Variants in CELSR3 observed in about 807,000 individuals in gnomAD.
CELSR3 encodes the protein EGF-like protein 1.
CELSR3 carries 73 observed loss-of-function variants against 270.0 expected under a neutral mutation model. The ratio of observed to expected loss-of-function variants is 0.27; its 90% CI spans 0.22 to 0.33. The LOEUF is 0.33. Ranked by LOEUF, CELSR3 falls within the 10% of genes least tolerant of loss-of-function variation. The pLI is 1.00. For synonymous variants in CELSR3, 1,780 were observed against 1,905.4 expected (o/e 0.93, Z 1.71); for missense variants, 3,614 against 4,533.8 (o/e 0.80, Z 5.83).
Position 48,639,984 on chromosome 3 carries a change from G to C in CELSR3, c.9601C>G (p.Arg3201Gly). The part of the protein sequence containing the change: ...LDSLSRSSNS[R>G]EQLDQVPSRH... Reference sequence around the variant, plus strand: ...CTAGGCACCTGGTCCAGCTGCTCCCGAGAGTTCGAGCTCCTAGACAGAGAG... The same window carrying C: ...CTAGGCACCTGGTCCAGCTGCTCCCCAGAGTTCGAGCTCCTAGACAGAGAG... The change falls in exon 34 of 35, where the codon CGG becomes GGG. Residue 3201 changes from arginine (R) to glycine (G), a missense_variant. Physicochemically the swap from Arg to Gly is moderately radical, Grantham distance 125 (BLOSUM62 -2). Transcript: ENST00000164024. The surrounding 1 kb of genome is among the most constrained non-coding windows in gnomAD (Gnocchi z 4.1). 2 of 1,612,630 alleles carry C rather than the reference G, an allele frequency of 1.2e-6. No individual in the cohort carries two copies. The highest frequency in any genetic ancestry group is 1.1e-5 in the South Asian group (1 of 91,090).
chr3:48,642,688 G>A lies in CELSR3; in HGVS notation c.8555+48C>T. The A allele has an allele frequency of 1.3e-6, 2 of 1,583,024 alleles. No individual in the cohort carries two copies. The highest frequency in any genetic ancestry group is 1.7e-6 in the Non-Finnish European group (2 of 1,167,972). On this transcript the variant is annotated intron_variant, in intron 30 of 34. Coordinates refer to ENST00000164024, the MANE Select transcript of CELSR3 (RefSeq NM_001407.3). The surrounding 1 kb of genome is among the most constrained non-coding windows in gnomAD (Gnocchi z 6.1). ...GGTCAGCCAAGCCCTGGTAAGGTGGGGCTGGACTAAGCTGAGTGTTCCCTC... is the reference window on the plus strand; with the variant it reads ...GGTCAGCCAAGCCCTGGTAAGGTGGAGCTGGACTAAGCTGAGTGTTCCCTC...
Position 48,659,325 on chromosome 3 carries a change from A to G in CELSR3, c.3310T>C (p.Tyr1104His). 1 of 1,614,188 alleles carries G rather than the reference A, an allele frequency of 6.2e-7. No homozygotes were observed. Among genetic ancestry groups the G allele is most frequent in the South Asian group, 1.1e-5 (1 of 91,078 alleles). ...PDEGPNAHIM[Y>H]QIVEGNIPEL... ...GGGATGTTCCCCTCCACGATCTGGT[A>G]CATTATATGGGCATTGGGGCCTTCG... The change falls in exon 1 of 35, where the codon TAC (tyrosine) becomes CAC (histidine). Residue 1104 changes from tyrosine (Y) to histidine (H), a missense_variant. Tyr to His is a moderately conservative substitution (Grantham distance 83, BLOSUM62 2). Transcript: ENST00000164024. This position sits in a 1 kb window ranked among gnomAD's most constrained non-coding sequence, Gnocchi z 8.1.
Position 48,641,466 on chromosome 3 carries a change from G to T in CELSR3, c.8883C>A (p.Ala2961=), listed in dbSNP as rs1353493238. The T allele has an allele frequency of 6.2e-7, 1 of 1,612,294 alleles. No homozygotes were observed. Among genetic ancestry groups the T allele is most frequent in the Non-Finnish European group, 8.5e-7 (1 of 1,179,688 alleles). The change falls in exon 33 of 35, where the codon GCC becomes GCA. Residue 2961 remains alanine (A), a synonymous_variant. Coordinates refer to ENST00000164024, the MANE Select transcript of CELSR3 (RefSeq NM_001407.3). The surrounding 1 kb of genome is among the most constrained non-coding windows in gnomAD (Gnocchi z 4.8). The part of the protein sequence containing the change: ...YWPALGECEA[A]PCALQTWGSE... ...AGCCCCAAGTCTGCAGAGCACAGGG[G>T]GCTGCCTCGCACTCCCCCAGGGCTG...
chr3:48,656,912 G>A lies in CELSR3; in HGVS notation c.4185C>T (p.Arg1395=). 6.2e-7 allele frequency: 1 copy of A among 1,610,720 alleles called. No individual in the cohort carries two copies. Among genetic ancestry groups the A allele is most frequent in the Non-Finnish European group, 8.5e-7 (1 of 1,178,412 alleles). The change falls in exon 2 of 35, where the codon CGC becomes CGT. Residue 1395 remains arginine (R), a synonymous_variant. Transcript: ENST00000164024. The stretch of plus-strand genomic sequence containing the variant: ...CCAGGAAGGGCGCGGACGAGTCAAA[G>A]CGGAGCACGGACACGCATTTCATGT... ...ENYMKCVSVL[R]FDSSAPFLAS... is the part of the protein sequence containing the mutation.
Position 48,642,685 on chromosome 3 carries a change from T to G in CELSR3, c.8555+51A>C, listed in dbSNP as rs566448837. Reference sequence around the variant, plus strand: ...CCTGGTCAGCCAAGCCCTGGTAAGGTGGGGCTGGACTAAGCTGAGTGTTCC... The same window carrying G: ...CCTGGTCAGCCAAGCCCTGGTAAGGGGGGGCTGGACTAAGCTGAGTGTTCC... On this transcript the variant is annotated intron_variant, in intron 30 of 34. Coordinates refer to ENST00000164024, the MANE Select transcript of CELSR3 (RefSeq NM_001407.3). The surrounding 1 kb of genome is among the most constrained non-coding windows in gnomAD (Gnocchi z 6.1). The G allele has an allele frequency of 3.8e-6, 6 of 1,576,326 alleles. No individual in the cohort carries two copies. The South Asian group carries it at 6.9e-5, about 18-fold the overall frequency.
At position 48,651,519 on chromosome 3, in the gene CELSR3, C is replaced by G; in HGVS notation, c.6066-40G>C. The G allele has an allele frequency of 6.2e-7, 1 of 1,608,864 alleles. No individual in the cohort carries two copies. The highest frequency in any genetic ancestry group is 8.5e-7 in the Non-Finnish European group (1 of 1,176,546). On this transcript the variant is annotated intron_variant, in intron 13 of 34. Transcript: ENST00000164024. This position sits in a 1 kb window ranked among gnomAD's most constrained non-coding sequence, Gnocchi z 7.4. The stretch of plus-strand genomic sequence containing the variant: ...CCAGGTAAGATGCCTCCACGGTATC[C>G]CAGTGACCCTCCCTGTCCCTGCCAG...
At position 48,641,477 on chromosome 3, in the gene CELSR3, A is replaced by C; in HGVS notation, c.8872T>G (p.Cys2958Gly). The C allele has an allele frequency of 6.2e-7, 1 of 1,611,696 alleles. No homozygotes were observed. Among genetic ancestry groups the C allele is most frequent in the Non-Finnish European group, 8.5e-7 (1 of 1,179,674 alleles). The change falls in exon 33 of 35, where the codon TGC becomes GGC. Residue 2958 changes from cysteine (C) to glycine (G), a missense_variant. By Grantham distance (159) the Cys-to-Gly change is radical (BLOSUM62 -3). Transcript: ENST00000164024. The surrounding 1 kb of genome is among the most constrained non-coding windows in gnomAD (Gnocchi z 4.8). ...LLSYWPALGE[C>G]EAAPCALQTW... ...TGCAGAGCACAGGGGGCTGCCTCGCACTCCCCCAGGGCTGGCCAGTAGGAC... is the reference window on the plus strand; with the variant it reads ...TGCAGAGCACAGGGGGCTGCCTCGCCCTCCCCCAGGGCTGGCCAGTAGGAC...
Position 48,641,318 on chromosome 3 carries a change from C to T in CELSR3, c.9025+6G>A. ...TGCGGTGTGGGCCAGGGCTCAGGGA[C>T]TGTACCTTTCCTCTGGCGCTGGGCC... On this transcript the variant is annotated splice_donor_region_variant and intron_variant, in intron 33 of 34. Coordinates refer to ENST00000164024, the MANE Select transcript of CELSR3 (RefSeq NM_001407.3). The surrounding 1 kb of genome is among the most constrained non-coding windows in gnomAD (Gnocchi z 4.8). 2 of 1,592,752 alleles carry T rather than the reference C, an allele frequency of 1.3e-6. No individual in the cohort carries two copies. The highest frequency in any genetic ancestry group is 1.7e-6 in the Non-Finnish European group (2 of 1,162,636).
In CELSR3 at chr3:48,656,335, C is replaced by T. The variant is rs2047181614; in HGVS notation, c.4430G>A (p.Gly1477Asp). 2 of 1,439,056 alleles carry T rather than the reference C, an allele frequency of 1.4e-6. No individual in the cohort carries two copies. Among genetic ancestry groups the T allele is most frequent in the Admixed American group, 6.1e-5 (2 of 32,866 alleles). 89.1% of individuals were successfully genotyped at this position (1,439,056 alleles called of 1,614,324 possible). A position where few individuals can be genotyped will look rare whatever the true frequency, so the allele number is the denominator to read the frequency against. ...GCGGCAGACGCCCGGCACGCAGCGGCCGGCCTCGGTGTCCAGCTCGCAGTC... is the reference window on the plus strand; with the variant it reads ...GCGGCAGACGCCCGGCACGCAGCGGTCGGCCTCGGTGTCCAGCTCGCAGTC... The part of the protein sequence containing the change: ...GEDCELDTEA[G>D]RCVPGVCRNG... The change falls in exon 3 of 35, where the codon GGC becomes GAC. Residue 1477 changes from glycine (G) to aspartate (D), a missense_variant. By Grantham distance (94) the Gly-to-Asp change is moderately conservative. Transcript: ENST00000164024.
intron 2 of CELSR3, 103 bp from the exon 3 acceptor site, chr3:48,656,468 A>G: frequency 8.4e-7 from 1 of 1,190,538 alleles, no homozygotes; most frequent in Non-Finnish European, 1.1e-6. Flanking sequence ...AGACCCCCGA[A>G]AGGTCGCCCT....
Position 48,653,687 on chromosome 3 carries a change from G to A in CELSR3, c.5380C>T (p.Arg1794Trp). ...SVPWYLGLAF[R>W]TRATQGVLMQ... ...AGGACCCCCTGCGTTGCCCGTGTCC[G>A]AAATGCCAGCCCCAGGTACCATGGC... Residue 1794 changes from arginine to tryptophan, a missense_variant, in exon 9 of 35, where the codon CGG (arginine) becomes TGG (tryptophan). Arg to Trp is a moderately radical substitution (Grantham distance 101). Coordinates refer to ENST00000164024, the MANE Select transcript of CELSR3 (RefSeq NM_001407.3). The surrounding 1 kb of genome is among the most constrained non-coding windows in gnomAD (Gnocchi z 6.5). 2.5e-6 allele frequency: 4 copies of A among 1,614,154 alleles called. No individual in the cohort carries two copies. The highest frequency in any genetic ancestry group is 3.4e-6 in the Non-Finnish European group (4 of 1,180,018).
In CELSR3 at chr3:48,662,176, C is replaced by T. The variant is rs576501921; in HGVS notation, c.459G>A (p.Leu153=). Residue 153 remains leucine (L), a synonymous_variant, in exon 1 of 35, where the codon CTG becomes CTA. Coordinates refer to ENST00000164024, the MANE Select transcript of CELSR3 (RefSeq NM_001407.3). The surrounding 1 kb of genome is among the most constrained non-coding windows in gnomAD (Gnocchi z 7.1). ...GRTGPLQRGS[L]SPGALSSGVP... is the part of the protein sequence containing the mutation. ...CCCCTGAGGACAGAGCCCCTGGTGACAGACTACCTCTTTGCAAAGGTCCTG... is the reference window on the plus strand; with the variant it reads ...CCCCTGAGGACAGAGCCCCTGGTGATAGACTACCTCTTTGCAAAGGTCCTG... 5.6e-6 allele frequency: 9 copies of T among 1,612,244 alleles called. No individual in the cohort carries two copies. The African/African-American group carries it at 9.3e-5, about 17-fold the overall frequency.
Position 48,641,357 on chromosome 3 carries a change from T to C in CELSR3, c.8992A>G (p.Thr2998Ala). 1 of 1,611,986 alleles carries C rather than the reference T, an allele frequency of 6.2e-7. No individual in the cohort carries two copies. The highest frequency in any genetic ancestry group is 1.3e-5 in the African/African-American group (1 of 74,980). Residue 2998 changes from threonine to alanine, a missense_variant, in exon 33 of 35, where the codon ACT becomes GCT. This residue lies in a region of CELSR3 where 1,240 missense variants were observed against 1,351.7 expected (regional missense o/e 0.92). Coordinates refer to ENST00000164024, the MANE Select transcript of CELSR3 (RefSeq NM_001407.3). The surrounding 1 kb of genome is among the most constrained non-coding windows in gnomAD (Gnocchi z 4.8). The part of the protein sequence containing the change: ...PDPALTSGDE[T>A]SLGRAQRQRK... ...TGGCGCTGGGCCCGGCCCAGAGAAG[T>C]CTCATCCCCACTGGTCAGGGCCGGG...
chr3:48,648,677 G>A, intron 18 of CELSR3, 42 bp downstream of exon 18: 1 of 1,587,488 alleles, frequency 6.3e-7, no homozygotes, highest in Non-Finnish European at 8.5e-7. Flanking sequence ...GAGGCTGGGA[G>A]CTGGGGGGCC....
chr3:48,641,731 C>A lies in CELSR3; in HGVS notation c.8824+120G>T. The A allele has an allele frequency of 9.1e-7, 1 of 1,099,974 alleles. No homozygotes were observed. Among genetic ancestry groups the A allele is most frequent in the African/African-American group, 1.6e-5 (1 of 62,866 alleles). 68.1% of individuals were successfully genotyped at this position (1,099,974 alleles called of 1,614,324 possible). A position where few individuals can be genotyped will look rare whatever the true frequency, so the allele number is the denominator to read the frequency against. ...GGACAGAGACTAAAAGTTGGGGAAC[C>A]TGATGACTGAGGGGTCAGAAAGACC... On this transcript the variant is annotated intron_variant, in intron 32 of 34. Coordinates refer to ENST00000164024, the MANE Select transcript of CELSR3 (RefSeq NM_001407.3). The surrounding 1 kb of genome is among the most constrained non-coding windows in gnomAD (Gnocchi z 4.8).
At position 48,654,802 on chromosome 3, in the gene CELSR3, G is replaced by C. The variant is rs1459381529; in HGVS notation, c.4988+242C>G. ...TGGGACATTAGTGAGACTGGGGTGG[G>C]GAGGTGGAGGCTTTGGAGGACTGCC... is the stretch of plus-strand genomic sequence containing the variant. On this transcript the variant is annotated intron_variant, in intron 6 of 34. Transcript: ENST00000164024. This position sits in a 1 kb window ranked among gnomAD's most constrained non-coding sequence, Gnocchi z 5.4. Among the ~76,000 whole-genome samples the C allele has an allele frequency of 1.8e-4, 28 of 151,938 alleles. No individual in the cohort carries two copies. Among genetic ancestry groups the C allele is most frequent in the Admixed American group, 1.8e-3 (28 of 15,252 alleles).
chr3:48,651,159 C>T lies in CELSR3; in HGVS notation c.6187-84G>A, dbSNP rs1298853314. 14 of 1,475,542 alleles carry T rather than the reference C, an allele frequency of 9.5e-6. No individual in the cohort carries two copies. Among genetic ancestry groups the T allele is most frequent in the Non-Finnish European group, 1.2e-5 (13 of 1,088,960 alleles). 91.4% of individuals were successfully genotyped at this position (1,475,542 alleles called of 1,614,324 possible). On this transcript the variant is annotated intron_variant, in intron 14 of 34. Coordinates refer to ENST00000164024, the MANE Select transcript of CELSR3 (RefSeq NM_001407.3). The surrounding 1 kb of genome is among the most constrained non-coding windows in gnomAD (Gnocchi z 7.4). Reference sequence around the variant, plus strand: ...AATCAAGGATAAAGGGTCAAGAGAACAGTGCTCATGGGCCAGAGGACACCT... The same window carrying T: ...AATCAAGGATAAAGGGTCAAGAGAATAGTGCTCATGGGCCAGAGGACACCT...
Position 48,645,842 on chromosome 3 carries a change from G to T in CELSR3, c.7490C>A (p.Ala2497Glu), listed in dbSNP as rs765766233. The stretch of plus-strand genomic sequence containing the variant: ...CCTGTGCACCAGCTCGCAGTCCCGT[G>T]CTGTCCACACACCATGCTGCTCCGC... ...GLAEQHGVWT[A>E]RDCELVHRNG... Residue 2497 changes from alanine to glutamate, a missense_variant, in exon 23 of 35, where the codon GCA becomes GAA. Ala to Glu is a moderately radical substitution (Grantham distance 107). Coordinates refer to ENST00000164024, the MANE Select transcript of CELSR3 (RefSeq NM_001407.3). The surrounding 1 kb of genome is among the most constrained non-coding windows in gnomAD (Gnocchi z 5.4). The T allele has an allele frequency of 1.3e-5, 21 of 1,608,780 alleles. No homozygotes were observed. Among genetic ancestry groups the T allele is most frequent in the Non-Finnish European group, 1.8e-5 (21 of 1,178,168 alleles).
In CELSR3 at chr3:48,660,641, G is replaced by A. The variant is rs745817956; in HGVS notation, c.1994C>T (p.Pro665Leu). The part of the protein sequence containing the change: ...PFQVSVLENA[P>L]LGHSVIHIQA... Reference sequence around the variant, plus strand: ...AATGTGGATGACTGAGTGACCCAAGGGAGCATTTTCCAAGACAGAAACTTG... The same window carrying A: ...AATGTGGATGACTGAGTGACCCAAGAGAGCATTTTCCAAGACAGAAACTTG... Residue 665 changes from proline (P) to leucine (L), a missense_variant, in exon 1 of 35, where the codon CCC (proline) becomes CTC (leucine). This residue lies in a region of CELSR3 where 354 missense variants were observed against 500.9 expected (regional missense o/e 0.71). Transcript: ENST00000164024. This position sits in a 1 kb window ranked among gnomAD's most constrained non-coding sequence, Gnocchi z 5.5. 2.5e-6 allele frequency: 4 copies of A among 1,614,170 alleles called. No individual in the cohort carries two copies. In the Admixed American group the frequency reaches 5.0e-5, roughly 20 times the overall value.
Sources: allele counts gnomAD v4.1 joint callset (sites outside exome capture counted in the v4.1 genomes callset), GRCh38; gene constraint gnomAD v4.1.1; regional missense constraint gnomAD v4.1.1; non-coding constraint Gnocchi (gnomAD v3.1); transcripts MANE v1.5; gene names NCBI Gene and HGNC (gene_info 2026-07-23, HGNC 2026-07-21).